Variants in CNTNAP4 observed in about 807,000 individuals in gnomAD.
The protein encoded by CNTNAP4 is contactin-associated protein-like 4.
In CNTNAP4, 98 loss-of-function variants were observed where a neutral mutation model predicts 148.4. The ratio of observed to expected loss-of-function variants is 0.66; its 90% CI spans 0.56 to 0.78. The LOEUF is 0.78. CNTNAP4 is among the 30% of genes least tolerant of loss of function. The probability of loss-of-function intolerance (pLI) is 0.00; values close to 1 mark genes in which losing one functional copy is unlikely to be tolerated. For missense variants in CNTNAP4, 1,935 were observed against 1,565.6 expected (o/e 1.24, Z -3.98); for synonymous variants, 730 against 565.1 (o/e 1.29, Z -4.14).
chr16:76,304,493 C>G (rs941211876), intron 1 of CNTNAP4, among the ~76,000 whole-genome samples: 1 of 152,102 alleles, frequency 6.6e-6, no homozygotes, highest in Non-Finnish European at 1.5e-5. Flanking sequence ...TATGGCTGAG[C>G]CTGGAGCATC....
At chr16:76,282,329 G>C (rs1415844843) in intron 1 of CNTNAP4, among the ~76,000 whole-genome samples, 1 of 151,814 alleles carries the variant, frequency 6.6e-6, no homozygotes, top group Non-Finnish European at 1.5e-5. Context: ...GTTAGGATAA[G>C]ATATTTGATG....
At chr16:76,461,846 A>T in intron 8 of CNTNAP4, 110 bp from the exon 9 acceptor site, 6 of 804,798 alleles carry the variant, frequency 7.5e-6, no homozygotes, top group Admixed American at 2.5e-5. Context: ...TTAATTAATA[A>T]TAGAGTTAAG....
At chr16:76,315,270 A>G (rs1185819672) in intron 1 of CNTNAP4, among the ~76,000 whole-genome samples, 1 of 152,182 alleles carries the variant, frequency 6.6e-6, no homozygotes, top group African/African-American at 2.4e-5. Flanking sequence ...TTATTTCCAT[A>G]GGACACAAAA....
chr16:76,488,444 A>G (rs78239834), intron 12 of CNTNAP4, among the ~76,000 whole-genome samples: 100 of 152,274 alleles, frequency 6.6e-4, no homozygotes, highest in Non-Finnish European at 1.0e-3. Flanking sequence ...AATTCTGTGA[A>G]GTTGGTCCAG....
intron 4 of CNTNAP4, among the ~76,000 whole-genome samples, chr16:76,435,661 C>A: frequency 6.6e-6 from 1 of 152,108 alleles, no homozygotes; most frequent in Non-Finnish European, 1.5e-5. Flanking sequence ...TCTAAAGTGA[C>A]TAATCTACTC....
intron 14 of CNTNAP4, among the ~76,000 whole-genome samples, chr16:76,496,423 G>A (rs531095321): frequency 5.9e-5 from 9 of 151,932 alleles, no homozygotes; most frequent in Non-Finnish European, 1.3e-4. Flanking sequence ...ATTAAATTCC[G>A]CTAATGGTGA....
intron 8 of CNTNAP4, among the ~76,000 whole-genome samples, chr16:76,457,519 C>G (rs1193867654): frequency 1.3e-5 from 2 of 152,132 alleles, no homozygotes; most frequent in African/African-American, 4.8e-5. Context: ...TCTTTTGTTC[C>G]TGATCTATTT....
At chr16:76,522,685 TC>T (rs879509399) in intron 17 of CNTNAP4, among the ~76,000 whole-genome samples, 13,991 of 99,822 alleles carry the variant, frequency 0.14, 3,211 homozygotes, top group Non-Finnish European at 0.16. Flanking sequence ...TCTCTTTCTC[TC>T]CTTTCTTTTC....
intron 17 of CNTNAP4, among the ~76,000 whole-genome samples, chr16:76,531,636 A>T (rs1428247991): frequency 6.6e-6 from 1 of 152,152 alleles, no homozygotes; most frequent in Non-Finnish European, 1.5e-5. Context: ...ACTGCAACTC[A>T]TTTTAATTGG....
chr16:76,489,866 G>C lies in CNTNAP4; in HGVS notation c.2063G>C (p.Arg688Pro). 2 of 1,558,484 alleles carry C rather than the reference G, an allele frequency of 1.3e-6. No individual in the cohort carries two copies. The highest frequency in any genetic ancestry group is 1.7e-6 in the Non-Finnish European group (2 of 1,143,934). Residue 688 changes from arginine (R) to proline (P), a missense_variant, in exon 13 of 24, where the codon CGG becomes CCG. Coordinates refer to ENST00000611870, the MANE Select transcript of CNTNAP4 (RefSeq NM_033401.5). Reference protein sequence around the residue: ...QEFTYYCKKSRLVNKQDGTPL... With the variant: ...QEFTYYCKKSPLVNKQDGTPL... Reference sequence around the variant, plus strand: ...TTTACTTATTACTGCAAGAAGTCACGGCTGGTCAATAAGCAAGGTAAGTAA... The same window carrying C: ...TTTACTTATTACTGCAAGAAGTCACCGCTGGTCAATAAGCAAGGTAAGTAA...
At chr16:76,420,280 A>ATGTATATTCTGTTGCATAT (rs1330005955) in intron 3 of CNTNAP4, among the ~76,000 whole-genome samples, 1 of 73,920 alleles carries the variant, frequency 1.4e-5, no homozygotes, top group African/African-American at 3.5e-5. Context: ...ATAGGAGATA[A>ATGTATATTCTGTTGCATAT]ATATTAATTT....
Position 76,342,620 on chromosome 16 carries a change from C to A in CNTNAP4, c.197-12698C>A, listed in dbSNP as rs57587108. Among the ~76,000 whole-genome samples the A allele has an allele frequency of 4.8e-3, 726 of 151,902 alleles. 3 individuals carry two copies. The highest frequency in any genetic ancestry group is 0.016 in the African/African-American group (654 of 41,436). Reference sequence around the variant, plus strand: ...CCCAAGCAGCTGGGACTACAGGCACCCGCCACCACGCTTGGCTAATTTGTT... The same window carrying A: ...CCCAAGCAGCTGGGACTACAGGCACACGCCACCACGCTTGGCTAATTTGTT... On this transcript the variant is annotated intron_variant, in intron 2 of 23. Coordinates refer to ENST00000611870, the MANE Select transcript of CNTNAP4 (RefSeq NM_033401.5).
At chr16:76,503,375 A>T (rs1215398950) in intron 15 of CNTNAP4, among the ~76,000 whole-genome samples, 1 of 152,194 alleles carries the variant, frequency 6.6e-6, no homozygotes, top group African/African-American at 2.4e-5. Flanking sequence ...AAAAACTGCA[A>T]TTACTTTTGC....
intron 17 of CNTNAP4, among the ~76,000 whole-genome samples, chr16:76,530,182 G>C (rs2083916304): frequency 6.6e-6 from 1 of 151,958 alleles, no homozygotes; most frequent in Admixed American, 6.6e-5. Flanking sequence ...ATGGACACAA[G>C]TTATTAATTA....
intron 2 of CNTNAP4, among the ~76,000 whole-genome samples, chr16:76,344,120 A>G (rs748792986): frequency 1.3e-5 from 2 of 152,176 alleles, no homozygotes; most frequent in Non-Finnish European, 2.9e-5. Flanking sequence ...CTATCAGTCT[A>G]TTGTAGAACA....
chr16:76,449,573 A>G (rs1383762641), intron 6 of CNTNAP4, 142 bp from the exon 7 acceptor site: 2 of 633,648 alleles, frequency 3.2e-6, no homozygotes, highest in Non-Finnish European at 2.5e-6. Flanking sequence ...TTTGTTTTAA[A>G]TCTATATCTT....
intron 3 of CNTNAP4, among the ~76,000 whole-genome samples, chr16:76,411,743 A>G (rs149689594): frequency 2.6e-3 from 392 of 151,540 alleles, no homozygotes; most frequent in African/African-American, 9.0e-3. Context: ...TTGCTGAACT[A>G]TTTTTTAAAG....
chr16:76,460,773 A>AAAATATATATACATATATATATAT, intron 8 of CNTNAP4, among the ~76,000 whole-genome samples: 1 of 57,324 alleles, frequency 1.7e-5, no homozygotes, highest in African/African-American at 6.4e-5. Flanking sequence ...AAAAAAAAAA[A>AAAATATATATACATATATATATAT]ATATATATAT....
chr16:76,535,246 A>C (rs1337664151), intron 17 of CNTNAP4, among the ~76,000 whole-genome samples: 2 of 152,344 alleles, frequency 1.3e-5, no homozygotes, highest in Middle Eastern at 3.4e-3. Context: ...CATTAAAATA[A>C]CGATACATGT....
Sources: allele counts gnomAD v4.1 joint callset (sites outside exome capture counted in the v4.1 genomes callset), GRCh38; gene constraint gnomAD v4.1.1; transcripts MANE v1.5; gene names NCBI Gene and HGNC (gene_info 2026-07-23, HGNC 2026-07-21).